The following HYCC2 variants were observed in gnomAD, a reference collection of about 807,000 sequenced individuals.
HYCC2 encodes hyccin 2.
chr2:201,070,677 T>C, the HYCC2 span, among the ~76,000 whole-genome samples: 4,733 of 152,036 alleles, frequency 0.031, 226 homozygotes, highest in African/African-American at 0.11. Flanking sequence ...TTTATTTTTT[T>C]CCCCATATTC....
At chr2:201,045,930 G>C in the HYCC2 span, among the ~76,000 whole-genome samples, 4 of 152,012 alleles carry the variant, frequency 2.6e-5, no homozygotes, top group Non-Finnish European at 4.4e-5. Flanking sequence ...TGACTCTTTT[G>C]AAACATGTTA....
chr2:200,992,998 C>G, the HYCC2 span: 1 of 1,605,610 alleles, frequency 6.2e-7, no homozygotes, highest in Non-Finnish European at 8.5e-7. Context: ...GCCACTCACA[C>G]AAACCCTAGG....
At chr2:201,031,399 C>T in the HYCC2 span, among the ~76,000 whole-genome samples, 2 of 152,064 alleles carry the variant, frequency 1.3e-5, no homozygotes, top group African/African-American at 4.8e-5. Flanking sequence ...TGCCTATAAC[C>T]CCAGCATTTT....
chr2:200,999,250 A>G, the HYCC2 span, among the ~76,000 whole-genome samples: 1 of 152,198 alleles, frequency 6.6e-6, no homozygotes, highest in Non-Finnish European at 1.5e-5. Context: ...TGAAGTTTAT[A>G]GTCAGTTACT....
At chr2:201,002,492 T>G in the HYCC2 span, among the ~76,000 whole-genome samples, 1 of 152,086 alleles carries the variant, frequency 6.6e-6, no homozygotes, top group Non-Finnish European at 1.5e-5. Context: ...GCAAGGCTAA[T>G]TTGACAATAT....
the HYCC2 span, among the ~76,000 whole-genome samples, chr2:200,984,298 C>A: frequency 1.3e-5 from 2 of 152,112 alleles, no homozygotes; most frequent in African/African-American, 4.8e-5. Flanking sequence ...CCTGGGCCTC[C>A]CAAAGTGCTG....
the HYCC2 span, among the ~76,000 whole-genome samples, chr2:201,051,448 C>T: frequency 6.6e-6 from 1 of 151,672 alleles, no homozygotes; most frequent in African/African-American, 2.4e-5. Context: ...AATTATACAC[C>T]AAGAAAACCC....
At chr2:200,977,966 C>T in the HYCC2 span, 1 of 152,286 alleles carries the variant, frequency 6.6e-6, no homozygotes, top group Admixed American at 6.5e-5. Context: ...ATTCTTTTAT[C>T]CAACTTGGCA....
chr2:201,015,997 T>A, the HYCC2 span, among the ~76,000 whole-genome samples: 6 of 152,192 alleles, frequency 3.9e-5, no homozygotes, highest in East Asian at 1.2e-3. Flanking sequence ...ACCACATTAT[T>A]AGTTATCTAT....
chr2:201,032,892 T>C, the HYCC2 span, among the ~76,000 whole-genome samples: 1 of 152,276 alleles, frequency 6.6e-6, no homozygotes, highest in Non-Finnish European at 1.5e-5. Context: ...AAACATTTTT[T>C]AAACATCAAA....
At chr2:201,026,762 C>T in the HYCC2 span, among the ~76,000 whole-genome samples, 2 of 152,108 alleles carry the variant, frequency 1.3e-5, no homozygotes, top group African/African-American at 2.4e-5. Context: ...TTCTTTGAAA[C>T]CAATGAGAAC....
At chr2:201,013,322 T>C in the HYCC2 span, among the ~76,000 whole-genome samples, 2 of 151,858 alleles carry the variant, frequency 1.3e-5, no homozygotes, top group African/African-American at 4.8e-5. Flanking sequence ...ATACAGAAAT[T>C]AGCTGGGCAT....
At chr2:200,973,774 CTT>C in the HYCC2 span, 8 of 152,250 alleles carry the variant, frequency 5.3e-5, no homozygotes, top group East Asian at 1.9e-4. Context: ...AATTTACACT[CTT>C]AATGTAACTA....
the HYCC2 span, chr2:200,988,558 T>C: frequency 1.8e-6 from 1 of 557,562 alleles, no homozygotes; most frequent in Non-Finnish European, 2.9e-6. Flanking sequence ...TGTTGTTCTG[T>C]ATTCTTTTAA....
the HYCC2 span, chr2:201,017,261 A>T: frequency 3.2e-6 from 3 of 947,214 alleles, no homozygotes; most frequent in Non-Finnish European, 4.5e-6. Flanking sequence ...TCTGTATAAT[A>T]TTTTTAAAAG....
chr2:201,057,209 A>G, the HYCC2 span, among the ~76,000 whole-genome samples: 2 of 152,216 alleles, frequency 1.3e-5, no homozygotes, highest in South Asian at 4.1e-4. Flanking sequence ...GCATTCCATG[A>G]TGAAATGGAA....
At chr2:201,032,374 G>A in the HYCC2 span, among the ~76,000 whole-genome samples, 1 of 151,900 alleles carries the variant, frequency 6.6e-6, no homozygotes, top group Non-Finnish European at 1.5e-5. Flanking sequence ...TCTTGAAGAT[G>A]AATATTAGAC....
chr2:201,035,965 T>C, the HYCC2 span, among the ~76,000 whole-genome samples: 1 of 152,100 alleles, frequency 6.6e-6, no homozygotes, highest in Admixed American at 6.6e-5. Flanking sequence ...CTCTGGAAGT[T>C]TTGTCTCAGA....
At chr2:201,042,491 G>T in the HYCC2 span, among the ~76,000 whole-genome samples, 1 of 145,054 alleles carries the variant, frequency 6.9e-6, no homozygotes, top group African/African-American at 2.6e-5. Flanking sequence ...GCCCCGCCGC[G>T]ACCCCGTCTG....
Sources: gnomAD v4.1 joint callset for allele counts (sites outside exome capture counted in the v4.1 genomes callset) on GRCh38, gnomAD v4.1.1 for gene constraint, MANE v1.5 for transcripts, NCBI Gene and HGNC (gene_info 2026-07-23, HGNC 2026-07-21) for gene names.